The following LRRC63 variants were observed in gnomAD, a reference collection of about 807,000 sequenced individuals.
LRRC63 encodes the protein leucine rich repeat containing 63, also known as leucine-rich repeat-containing protein 63.
A neutral mutation model predicts 49.5 loss-of-function variants in LRRC63; 40 were observed. The observed-to-expected ratio is 0.81, with a 90% CI of 0.63 to 1.05. The LOEUF (loss-of-function observed/expected upper bound fraction) is 1.05, where lower values mean the gene tolerates loss of function less well. LRRC63 is among the 50% of genes least tolerant of loss of function. The probability of loss-of-function intolerance (pLI) is 0.00; values close to 1 mark genes in which losing one functional copy is unlikely to be tolerated. For synonymous variants in LRRC63, 191 were observed against 221.1 expected (o/e 0.86, Z 1.21); for missense variants, 636 against 663.1 (o/e 0.96, Z 0.45).
At chr13:46,219,962 T>G (rs2046357859) in intron 2 of LRRC63, among the ~76,000 whole-genome samples, 1 of 152,206 alleles carries the variant, frequency 6.6e-6, no homozygotes, top group African/African-American at 2.4e-5. Context: ...TGTTGCCTGC[T>G]TCTTCCACTG....
chr13:46,229,728 TG>T (rs2138415293), intron 4 of LRRC63, among the ~76,000 whole-genome samples: 1 of 152,312 alleles, frequency 6.6e-6, no homozygotes, highest in African/African-American at 2.4e-5. Context: ...GAGGCCCGCC[TG>T]GAACATAGTG....
At chr13:46,276,830 A>ATATATATATATATATATATATT (rs1336592183) in exon 10 of LRRC63, 3 of 114,142 alleles carry the variant, frequency 2.6e-5, no homozygotes, top group African/African-American at 1.2e-4. Context: ...ATGTGTGTGT[A>ATATATATATATATATATATATT]TATATATATA....
At chr13:46,223,239 A>T (rs538891343) in intron 2 of LRRC63, among the ~76,000 whole-genome samples, 28 of 152,198 alleles carry the variant, frequency 1.8e-4, no homozygotes, top group Admixed American at 1.1e-3. Context: ...AAAGAAAAAA[A>T]ATATAAAAAG....
chr13:46,271,569 T>C (rs1258529229), intron 9 of LRRC63, among the ~76,000 whole-genome samples: 2 of 152,224 alleles, frequency 1.3e-5, no homozygotes, highest in Non-Finnish European at 2.9e-5. Context: ...GGAAATGTAT[T>C]ATAATGCAGT....
rs910440226 is a variant in LRRC63, at chr13:46,234,198, C to T, written c.839C>T (p.Thr280Ile). 4.5e-6 allele frequency: 7 copies of T among 1,548,602 alleles called. No individual in the cohort carries two copies. In the African/African-American group the frequency reaches 8.2e-5, roughly 18 times the overall value. The stretch of plus-strand genomic sequence containing the variant: ...TTTTGTTTTGTTTATTTAGGTCTCA[C>T]CAAAACTGAAAAAATAGAATCAGAG... Residue 280 changes from threonine to isoleucine, a missense_variant, in exon 5 of 10, where the codon ACC becomes ATC. Thr to Ile is a moderately conservative substitution (Grantham distance 89). Coordinates refer to ENST00000595396, the Ensembl canonical transcript of LRRC63.
intron 3 of LRRC63, 144 bp from the exon 4 acceptor site, chr13:46,228,521 A>C (rs1243205458): frequency 6.3e-6 from 4 of 631,104 alleles, no homozygotes; most frequent in Non-Finnish European, 1.1e-5. Context: ...GTAGAATGCC[A>C]GTGCTGATAG....
At chr13:46,235,375 A>C (rs969891592) in intron 5 of LRRC63, among the ~76,000 whole-genome samples, 2 of 152,306 alleles carry the variant, frequency 1.3e-5, no homozygotes, top group African/African-American at 4.8e-5. Context: ...TTATTAAACA[A>C]CCCAATAGCT....
At chr13:46,220,722 C>T (rs1377989547) in intron 2 of LRRC63, among the ~76,000 whole-genome samples, 1 of 151,846 alleles carries the variant, frequency 6.6e-6, no homozygotes, top group Non-Finnish European at 1.5e-5. Context: ...TGCTTGAAAC[C>T]CAGGGCCCTG....
intron 4 of LRRC63, among the ~76,000 whole-genome samples, chr13:46,232,768 T>TGGG (rs2046801894): frequency 1.3e-5 from 2 of 151,442 alleles, no homozygotes; most frequent in South Asian, 4.2e-4. Flanking sequence ...ATCTGAAAAA[T>TGGG]GGTAGAAAGA....
chr13:46,267,815 G>T (rs978832861), intron 9 of LRRC63, among the ~76,000 whole-genome samples: 2 of 152,182 alleles, frequency 1.3e-5, no homozygotes, highest in African/African-American at 4.8e-5. Flanking sequence ...AACCTAACTA[G>T]TGTGTGGTAA....
chr13:46,275,659 T>TA (rs1163129767), intron 9 of LRRC63, among the ~76,000 whole-genome samples: 2 of 151,332 alleles, frequency 1.3e-5, no homozygotes, highest in African/African-American at 2.4e-5. Flanking sequence ...AAATCAGATT[T>TA]TTTTTTTTTG....
intron 7 of LRRC63, among the ~76,000 whole-genome samples, chr13:46,258,633 C>G (rs1035149589): frequency 1.7e-4 from 26 of 149,648 alleles, no homozygotes; most frequent in Admixed American, 2.7e-4. Flanking sequence ...CATGGTGAAA[C>G]CCCATCTCTA....
exon 3 of LRRC63, chr13:46,227,637 C>G (rs1357315002): frequency 6.5e-7 from 1 of 1,550,080 alleles, no homozygotes. Flanking sequence ...TATCAATATC[C>G]AAAATATCTT....
chr13:46,234,187 T>C lies in LRRC63; in HGVS notation c.833-5T>C. The C allele has an allele frequency of 6.5e-7, 1 of 1,547,190 alleles. No homozygotes were observed. The highest frequency in any genetic ancestry group is 8.7e-7 in the Non-Finnish European group (1 of 1,144,824). ...TTTATGTTTTGTTTTGTTTTGTTTA[T>C]TTAGGTCTCACCAAAACTGAAAAAA... is the stretch of plus-strand genomic sequence containing the variant. On this transcript the variant is annotated splice_region_variant and splice_polypyrimidine_tract_variant and intron_variant, in intron 4 of 9. Transcript: ENST00000595396.
At chr13:46,276,652 C>T in exon 10 of LRRC63, 3 of 1,231,012 alleles carry the variant, frequency 2.4e-6, no homozygotes, top group Non-Finnish European at 3.0e-6. Context: ...GTCATCCGAT[C>T]CTGTGATATT....
intron 8 of LRRC63, 30 bp from the exon 9 acceptor site, chr13:46,266,703 C>T: frequency 6.7e-7 from 1 of 1,499,968 alleles, no homozygotes; most frequent in South Asian, 1.3e-5. Context: ...TGTATAATAC[C>T]TTTTAAAGTG....
In LRRC63 at chr13:46,227,772, G is replaced by A. The variant is rs773410664; in HGVS notation, c.346G>A (p.Ala116Thr). Reference sequence around the variant, plus strand: ...CATATTTTTTCCACATTGTAATTCAGCTTCTACTCGAATTTTTGGGAAACA... The same window carrying A: ...CATATTTTTTCCACATTGTAATTCAACTTCTACTCGAATTTTTGGGAAACA... The change falls in exon 3 of 10, where the codon GCT becomes ACT. Residue 116 changes from alanine (A) to threonine (T), a missense_variant. By Grantham distance (58) the Ala-to-Thr change is moderately conservative. Transcript: ENST00000595396. 5.8e-6 allele frequency: 9 copies of A among 1,550,258 alleles called. No individual in the cohort carries two copies. In the South Asian group the frequency reaches 9.5e-5, roughly 16 times the overall value.
intron 8 of LRRC63, among the ~76,000 whole-genome samples, chr13:46,263,547 A>G (rs1369674249): frequency 1.3e-5 from 2 of 152,154 alleles, no homozygotes; most frequent in African/African-American, 2.4e-5. Flanking sequence ...TATAAAGGCA[A>G]TATAAAAAGT....
rs147307515 is a variant in LRRC63, at chr13:46,231,253, AG to A, written c.832+2521del. Among the ~76,000 whole-genome samples, 1,341 of 152,296 alleles carry A rather than the reference AG, an allele frequency of 8.8e-3. 20 individuals are homozygous for A. The highest frequency in any genetic ancestry group is 0.031 in the African/African-American group (1,293 of 41,558). ...TCTTTATAGCAATGCCCTTCTCCTC[AG>A]TACCAATTTTATGTGTTAGTTTGTT... On this transcript the variant is annotated intron_variant, in intron 4 of 9. Coordinates refer to ENST00000595396, the Ensembl canonical transcript of LRRC63.
Sources: allele counts gnomAD v4.1 joint callset (sites outside exome capture counted in the v4.1 genomes callset), GRCh38; gene constraint gnomAD v4.1.1; transcripts MANE v1.5; gene names NCBI Gene and HGNC (gene_info 2026-07-23, HGNC 2026-07-21).